Variants in PAPOLA observed in about 807,000 individuals in gnomAD.
PAPOLA encodes polynucleotide adenylyltransferase alpha.
A neutral mutation model predicts 100.6 loss-of-function variants in PAPOLA; 15 were observed. The ratio of observed to expected loss-of-function variants is 0.15; its 90% CI spans 0.10 to 0.23. The LOEUF is 0.23. Ranked by LOEUF, PAPOLA falls within the 10% of genes least tolerant of loss-of-function variation. The pLI is 1.00. For missense variants in PAPOLA, 533 were observed against 884.2 expected (o/e 0.60, Z 5.04); for synonymous variants, 293 against 300.0 (o/e 0.98, Z 0.24).
chr14:96,509,892 C>G (rs147404876), intron 1 of PAPOLA, among the ~76,000 whole-genome samples: 1 of 149,522 alleles, frequency 6.7e-6, no homozygotes, highest in East Asian at 2.0e-4. Context: ...CATATATATT[C>G]TTATTTAAAG....
intron 6 of PAPOLA, among the ~76,000 whole-genome samples, chr14:96,529,177 AT>A (rs1015887756): frequency 2.6e-5 from 4 of 152,148 alleles, no homozygotes; most frequent in African/African-American, 9.7e-5. Flanking sequence ...ACATTTCAAT[AT>A]TTTTTGAAGT....
chr14:96,533,110 G>A (rs1049409539), intron 9 of PAPOLA: 5 of 980,792 alleles, frequency 5.1e-6, no homozygotes, highest in Non-Finnish European at 6.1e-6. Flanking sequence ...AGCTTTTAAA[G>A]AATAAATTAA....
chr14:96,527,743 C>A, intron 5 of PAPOLA: 1 of 609,566 alleles, frequency 1.6e-6, no homozygotes, highest in Non-Finnish European at 2.9e-6. Context: ...TTGAGGCAAA[C>A]AAAATAAATA....
chr14:96,513,269 A>G (rs763789622), intron 1 of PAPOLA, among the ~76,000 whole-genome samples: 7 of 151,836 alleles, frequency 4.6e-5, no homozygotes, highest in East Asian at 1.9e-4. Flanking sequence ...GGGCCTTTCT[A>G]TGTTGCCCAG....
intron 21 of PAPOLA, 107 bp downstream of exon 21, chr14:96,563,000 T>C (rs189254337): frequency 1.5e-6 from 1 of 665,498 alleles, no homozygotes; most frequent in East Asian, 2.7e-5. Context: ...TTAATCTTTC[T>C]GAAAGTAATT....
chr14:96,536,851 A>G (rs1899579415), intron 11 of PAPOLA, 125 bp from the exon 12 acceptor site: 2 of 619,232 alleles, frequency 3.2e-6, no homozygotes, highest in Non-Finnish European at 5.9e-6. Flanking sequence ...ATCATAAGCT[A>G]AAACTATATA....
chr14:96,512,050 G>A (rs1897140102), intron 1 of PAPOLA, among the ~76,000 whole-genome samples: 1 of 152,228 alleles, frequency 6.6e-6, no homozygotes, highest in South Asian at 2.1e-4. Context: ...GCCATTATAG[G>A]GGGTTATTTT....
At chr14:96,563,177 A>T (rs1378895641) in intron 21 of PAPOLA, among the ~76,000 whole-genome samples, 1 of 152,192 alleles carries the variant, frequency 6.6e-6, no homozygotes, top group Non-Finnish European at 1.5e-5. Flanking sequence ...CAGGGTTCAT[A>T]TGTAGGTTTT....
At chr14:96,531,203 G>A (rs10131755) in intron 6 of PAPOLA, among the ~76,000 whole-genome samples, 45 of 151,952 alleles carry the variant, frequency 3.0e-4, no homozygotes, top group African/African-American at 1.1e-3. Flanking sequence ...GGGGTTCACC[G>A]TGTTAGCCAG....
intron 17 of PAPOLA, among the ~76,000 whole-genome samples, chr14:96,555,541 T>G (rs972230052): frequency 6.6e-6 from 1 of 152,140 alleles, no homozygotes; most frequent in African/African-American, 2.4e-5. Flanking sequence ...TTCTCACTAG[T>G]CATATTTTAA....
intron 16 of PAPOLA, among the ~76,000 whole-genome samples, chr14:96,549,318 G>A (rs987527609): frequency 2.7e-5 from 4 of 149,906 alleles, no homozygotes; most frequent in African/African-American, 4.9e-5. Context: ...GCACAATTTC[G>A]GCTCACTGCA....
chr14:96,559,550 CCTCTCT>C (rs66829530), intron 19 of PAPOLA, among the ~76,000 whole-genome samples: 63 of 118,482 alleles, frequency 5.3e-4, no homozygotes, highest in African/African-American at 1.3e-3. Flanking sequence ...GCTAAATTAA[CCTCTCT>C]CTCTCTCTCT....
Position 96,560,712 on chromosome 14 carries a change from G to A in PAPOLA, c.2067+1G>A, listed in dbSNP as rs752034057. On this transcript the variant is annotated splice_donor_variant, in intron 20 of 21. Transcript: ENST00000216277. LOFTEE classifies it high-confidence loss of function. ...TGGACATGATAAAACAGAAGCAAAG[G>A]TATACTAATTTAGCCTTTAGAATAC... 2 of 1,570,804 alleles carry A rather than the reference G, an allele frequency of 1.3e-6. No homozygotes were observed. Among genetic ancestry groups the A allele is most frequent in the Non-Finnish European group, 8.8e-7 (1 of 1,141,898 alleles).
At chr14:96,514,185 T>TG (rs1897283616) in intron 1 of PAPOLA, among the ~76,000 whole-genome samples, 1 of 151,826 alleles carries the variant, frequency 6.6e-6, no homozygotes, top group South Asian at 2.1e-4. Flanking sequence ...GGTATCTTTT[T>TG]TTTTTTTTTT....
At position 96,524,766 on chromosome 14, in the gene PAPOLA, C is replaced by T. The variant is rs77721287; in HGVS notation, c.250-544C>T. Among the ~76,000 whole-genome samples the T allele has an allele frequency of 6.6e-3, 1,005 of 152,226 alleles. 2 individuals are homozygous for T. Among genetic ancestry groups the T allele is most frequent in the Non-Finnish European group, 0.011 (717 of 68,016 alleles). ...TCAATCTGGGCTCAAGCAATTGGCC[C>T]GTCTCACCCTCCCAAAGTGTTGGGA... On this transcript the variant is annotated intron_variant, in intron 3 of 21. Transcript: ENST00000216277.
At chr14:96,555,353 G>A (rs947762793) in intron 17 of PAPOLA, among the ~76,000 whole-genome samples, 1 of 151,184 alleles carries the variant, frequency 6.6e-6, no homozygotes, top group Non-Finnish European at 1.5e-5. Flanking sequence ...GGTTACAGGC[G>A]TGAGCCACCA....
At position 96,520,713 on chromosome 14, in the gene PAPOLA, A is replaced by AT. The variant is rs200924445; in HGVS notation, c.183-284dup. 5.3e-3 allele frequency among the ~76,000 whole-genome samples: 790 copies of AT among 149,582 alleles called. 9 individuals are homozygous for AT. Among genetic ancestry groups the AT allele is most frequent in the African/African-American group, 0.019 (755 of 40,682 alleles). Reference sequence around the variant, plus strand: ...TCTTCCCTTAATTTTGATGTTATTTATTTTTTTTTCTGAAGAATTAATTTT... The same window carrying AT: ...TCTTCCCTTAATTTTGATGTTATTTATTTTTTTTTTCTGAAGAATTAATTTT... On this transcript the variant is annotated intron_variant, in intron 2 of 21. Transcript: ENST00000216277.
intron 1 of PAPOLA, among the ~76,000 whole-genome samples, chr14:96,506,985 G>A (rs1242674163): frequency 1.3e-5 from 2 of 152,146 alleles, no homozygotes; most frequent in African/African-American, 2.4e-5. Flanking sequence ...CTCTTTTCCA[G>A]TTATAATGTT....
At chr14:96,531,419 G>C in intron 6 of PAPOLA, 56 bp from the exon 7 acceptor site, 1 of 1,338,892 alleles carries the variant, frequency 7.5e-7, no homozygotes, top group East Asian at 2.5e-5. Flanking sequence ...TTTTTTCATA[G>C]AAATGCCTTA....
Sources: gnomAD v4.1 joint callset for allele counts (sites outside exome capture counted in the v4.1 genomes callset) on GRCh38, gnomAD v4.1.1 for gene constraint, MANE v1.5 for transcripts, NCBI Gene and HGNC (gene_info 2026-07-23, HGNC 2026-07-21) for gene names.